The following CAMTA1 variants were observed in gnomAD, a reference collection of about 807,000 sequenced individuals.
The protein encoded by CAMTA1 is calmodulin-binding transcription activator 1.
A neutral mutation model predicts 170.9 loss-of-function variants in CAMTA1; 27 were observed. The observed-to-expected ratio is 0.16, with a 90% CI of 0.12 to 0.22. The LOEUF is 0.22. CAMTA1 is among the 10% of genes least tolerant of loss of function. The probability of loss-of-function intolerance (pLI) is 1.00; values close to 1 mark genes in which losing one functional copy is unlikely to be tolerated. For synonymous variants in CAMTA1, 833 were observed against 891.5 expected, an observed-to-expected ratio of 0.93 and a Z score of 1.17; for missense variants, 1,619 against 2,217.2, an observed-to-expected ratio of 0.73 and a Z score of 5.42.
rs202115487 is a variant in CAMTA1 at position 6,870,359 on chromosome 1, AC to A, written c.234+45150del. 3.9e-4 allele frequency among the ~76,000 whole-genome samples: 60 copies of A among 152,258 alleles called. 1 individual carries two copies. Among genetic ancestry groups the A allele is most frequent in the South Asian group, 3.7e-3 (18 of 4,820 alleles). Reference sequence around the variant, plus strand: ...AGTAGCTATGCAACTTAAAAAAAAAACATTGTGTTTTTTGAAACATGGCTTT... The same window carrying A: ...AGTAGCTATGCAACTTAAAAAAAAAAATTGTGTTTTTTGAAACATGGCTTT... On this transcript the variant is annotated intron_variant, in intron 3 of 22. Coordinates refer to ENST00000303635, the MANE Select transcript of CAMTA1 (RefSeq NM_015215.4).
chr1:6,940,910 G>GGAGGGGGATCCT, intron 3 of CAMTA1, among the ~76,000 whole-genome samples: 2 of 100,206 alleles, frequency 2.0e-5, no homozygotes, highest in Non-Finnish European at 4.4e-5. Context: ...GTGCTCACAG[G>GGAGGGGGATCCT]CAGGGGATCC....
intron 3 of CAMTA1, among the ~76,000 whole-genome samples, chr1:6,901,244 CAA>C (rs957153200): frequency 5.3e-5 from 8 of 152,160 alleles, no homozygotes; most frequent in African/African-American, 1.9e-4. Flanking sequence ...AAAATTAACT[CAA>C]AGTGGATCAT....
At chr1:7,132,408 A>G (rs1376514556) in intron 4 of CAMTA1, among the ~76,000 whole-genome samples, 1 of 152,174 alleles carries the variant, frequency 6.6e-6, no homozygotes, top group South Asian at 2.1e-4. Flanking sequence ...CTGGGTAGCT[A>G]GGACTACAGG....
chr1:7,089,625 C>T (rs1025770204), intron 3 of CAMTA1, among the ~76,000 whole-genome samples: 1 of 146,068 alleles, frequency 6.8e-6, no homozygotes, highest in African/African-American at 2.5e-5. Flanking sequence ...TTATCAGGTG[C>T]TTCCTATGTG....
At chr1:6,795,291 G>T (rs893626266) in intron 1 of CAMTA1, among the ~76,000 whole-genome samples, 6 of 152,158 alleles carry the variant, frequency 3.9e-5, no homozygotes, top group Middle Eastern at 3.4e-3. Flanking sequence ...GTGCTGAAAT[G>T]ATCCTCCTGC....
chr1:7,393,519 C>G lies in CAMTA1; in HGVS notation c.439-74311C>G, dbSNP rs12136265. Among the ~76,000 whole-genome samples the G allele has an allele frequency of 2.0e-3, 307 of 152,252 alleles. 1 individual carries two copies. Among genetic ancestry groups the G allele is most frequent in the Non-Finnish European group, 4.0e-3 (269 of 68,006 alleles). Reference sequence around the variant, plus strand: ...TCTCCAACTCCTGGGCTAAAGTGATCCTCCTGTCCCAGCCTTGTTTGTTTT... The same window carrying G: ...TCTCCAACTCCTGGGCTAAAGTGATGCTCCTGTCCCAGCCTTGTTTGTTTT... On this transcript the variant is annotated intron_variant, in intron 5 of 22. Transcript: ENST00000303635.
chr1:7,098,482 C>T (rs1642354590), intron 4 of CAMTA1, among the ~76,000 whole-genome samples: 1 of 152,206 alleles, frequency 6.6e-6, no homozygotes, highest in African/African-American at 2.4e-5. Flanking sequence ...TGCCCGAGGA[C>T]TTCCTCGCAG....
intron 6 of CAMTA1, among the ~76,000 whole-genome samples, chr1:7,584,699 G>T (rs2095293764): frequency 6.6e-6 from 1 of 152,190 alleles, no homozygotes; most frequent in South Asian, 2.1e-4. Flanking sequence ...GGAGAGAGGT[G>T]CACAGCCCCT....
rs34180195 is a variant in CAMTA1, at chr1:7,551,302, C to CA, written c.510+83401_510+83402insA. On this transcript the variant is annotated intron_variant, in intron 6 of 22. Transcript: ENST00000303635. Reference sequence around the variant, plus strand: ...CAAAGGACATGTGTGCGCAGGTGCACTGAGTGTATGTGCATGTGTGTGTGT... The same window carrying CA: ...CAAAGGACATGTGTGCGCAGGTGCACATGAGTGTATGTGCATGTGTGTGTGT... Among the ~76,000 whole-genome samples, 103 of 152,070 alleles carry CA rather than the reference C, an allele frequency of 6.8e-4. 1 individual carries two copies. The highest frequency in any genetic ancestry group is 2.4e-3 in the African/African-American group (101 of 41,468).
intron 5 of CAMTA1, among the ~76,000 whole-genome samples, chr1:7,390,004 CT>C (rs985913578): frequency 1.4e-5 from 2 of 143,092 alleles, no homozygotes; most frequent in Non-Finnish European, 2.9e-5. Context: ...CTTTTACAGC[CT>C]GGCCTGGTGC....
chr1:7,756,967 A>G (rs1359342107), intron 22 of CAMTA1, among the ~76,000 whole-genome samples: 1 of 152,246 alleles, frequency 6.6e-6, no homozygotes, highest in African/African-American at 2.4e-5. Flanking sequence ...TCTTAAGAGA[A>G]AAAATGAGTT....
At chr1:7,123,273 G>T (rs534321301) in intron 4 of CAMTA1, among the ~76,000 whole-genome samples, 22 of 152,216 alleles carry the variant, frequency 1.4e-4, no homozygotes, top group African/African-American at 3.4e-4. Flanking sequence ...CCTGTCGGTG[G>T]CTGTCTCTTT....
chr1:7,098,836 C>T (rs950696081), intron 4 of CAMTA1, among the ~76,000 whole-genome samples: 2 of 152,062 alleles, frequency 1.3e-5, no homozygotes, highest in African/African-American at 4.8e-5. Context: ...GCTTAGCCAC[C>T]TGTTGAAATG....
intron 9 of CAMTA1, among the ~76,000 whole-genome samples, chr1:7,666,107 TG>T (rs1174646250): frequency 6.6e-6 from 1 of 151,472 alleles, no homozygotes; most frequent in African/African-American, 2.4e-5. Flanking sequence ...AGGTGGAGGT[TG>T]CAGTGAGTCG....
Position 7,736,486 on chromosome 1 carries a change from A to T in CAMTA1, c.3209A>T (p.His1070Leu). 6.2e-7 allele frequency: 1 copy of T among 1,613,968 alleles called. No homozygotes were observed. Among genetic ancestry groups the T allele is most frequent in the Non-Finnish European group, 8.5e-7 (1 of 1,179,996 alleles). The change falls in exon 13 of 23, where the codon CAC becomes CTC. Residue 1070 changes from histidine (H) to leucine (L), a missense_variant. By Grantham distance (99) the His-to-Leu change is moderately conservative. Around this residue, in one of 8 missense-constraint regions of CAMTA1, gnomAD observed 60 missense variants for 128.5 expected, o/e 0.47. Coordinates refer to ENST00000303635, the MANE Select transcript of CAMTA1 (RefSeq NM_015215.4). The surrounding 1 kb of genome is among the most constrained non-coding windows in gnomAD (Gnocchi z 4.5). ...ACTTTCCGCGGAATGACCCTACTCCACCTGGCCGCTGCCCAGGGCTATGCC... is the reference window on the plus strand; with the variant it reads ...ACTTTCCGCGGAATGACCCTACTCCTCCTGGCCGCTGCCCAGGGCTATGCC... ...SKTFRGMTLL[H>L]LAAAQGYATL...
chr1:7,761,273 A>T (rs966554474), intron 22 of CAMTA1, among the ~76,000 whole-genome samples: 9 of 152,172 alleles, frequency 5.9e-5, no homozygotes, highest in Non-Finnish European at 1.0e-4. Flanking sequence ...CAAGTTACTG[A>T]TAGGAGTCAG....
intron 9 of CAMTA1, among the ~76,000 whole-genome samples, chr1:7,668,219 G>A (rs1188497540): frequency 2.0e-5 from 3 of 152,116 alleles, no homozygotes; most frequent in African/African-American, 7.2e-5. Flanking sequence ...TGGCTAAACG[G>A]TTACTCAGCA....
intron 5 of CAMTA1, among the ~76,000 whole-genome samples, chr1:7,375,551 C>T (rs1326190075): frequency 6.6e-6 from 1 of 152,194 alleles, no homozygotes; most frequent in Non-Finnish European, 1.5e-5. Context: ...CTGGGACCAA[C>T]ACCCGTGGGG....
chr1:7,606,301 C>T (rs2095486030), intron 6 of CAMTA1, among the ~76,000 whole-genome samples: 1 of 152,162 alleles, frequency 6.6e-6, no homozygotes. Context: ...GGCCTGAGAC[C>T]CAGCAGCTGC....
Sources: allele counts gnomAD v4.1 joint callset (sites outside exome capture counted in the v4.1 genomes callset), GRCh38; gene constraint gnomAD v4.1.1; regional missense constraint gnomAD v4.1.1; non-coding constraint Gnocchi (gnomAD v3.1); transcripts MANE v1.5; gene names NCBI Gene and HGNC (gene_info 2026-07-23, HGNC 2026-07-21).